Variants in MZT2A observed in about 807,000 individuals in gnomAD.
MZT2A encodes the protein mitotic spindle organizing protein 2A.
Under a neutral mutation model 12.4 loss-of-function variants are expected in MZT2A, and 8 were observed. The observed-to-expected ratio is 0.64, with a 90% CI of 0.38 to 1.16. MZT2A has a LOEUF of 1.16. Ranked by LOEUF, MZT2A falls within the 50% of genes most tolerant of loss-of-function variation. MZT2A has a pLI of 0.01. For synonymous variants in MZT2A, 88 were observed against 107.5 expected (o/e 0.82, Z 1.12); for missense variants, 181 against 223.6 (o/e 0.81, Z 1.22).
At chr2:131,493,289 G>C, upstream of MZT2A, 1 of 1,326,560 alleles carries the variant, frequency 7.5e-7, no homozygotes, top group South Asian at 2.1e-5. Context: ...GGGAGTGGAG[G>C]GCCCCGGCTG....
At chr2:131,491,142 A>C in intron 2 of MZT2A, 1 of 586,794 alleles carries the variant, frequency 1.7e-6, no homozygotes, top group Non-Finnish European at 3.0e-6. Context: ...TTTCAGAGAG[A>C]GCCATCGGGA....
chr2:131,479,357 G>C (rs774902043), downstream of MZT2A: 1 of 1,614,158 alleles, frequency 6.2e-7, no homozygotes, highest in South Asian at 1.1e-5. Context: ...CGGAGCAGCT[G>C]ATCACCGGGA....
chr2:131,488,689 T>C (rs1480868579), intron 2 of MZT2A, among the ~76,000 whole-genome samples: 1 of 152,122 alleles, frequency 6.6e-6, no homozygotes, highest in East Asian at 1.9e-4. Flanking sequence ...GGCCTCTGCC[T>C]CTCACTCAGC....
chr2:131,474,606 C>T (rs1678592563), intron 2 of MZT2A, among the ~76,000 whole-genome samples: 1 of 150,770 alleles, frequency 6.6e-6, no homozygotes, highest in Non-Finnish European at 1.5e-5. Context: ...GGAAGGGTTT[C>T]ATCATGTTGG....
rs187876897 is a variant in MZT2A, at chr2:131,492,187, C to T, written c.170+20G>A. On this transcript the variant is annotated intron_variant, in intron 1 of 2. Coordinates refer to ENST00000309451, the MANE Select transcript of MZT2A (RefSeq NM_001085365.2). ...TCGGGGGTGTCTGGCGAGCATGCGGCCCCCACCCGCCCCGCTCACTTGAAC... is the reference window on the plus strand; with the variant it reads ...TCGGGGGTGTCTGGCGAGCATGCGGTCCCCACCCGCCCCGCTCACTTGAAC... 4,314 of 1,545,754 alleles carry T rather than the reference C, an allele frequency of 2.8e-3. 6 individuals are homozygous for T. Among genetic ancestry groups the T allele is most frequent in the Non-Finnish European group, 3.1e-3 (3,619 of 1,149,078 alleles).
At chr2:131,479,921 T>G, downstream of MZT2A, 1 of 1,267,070 alleles carries the variant, frequency 7.9e-7, no homozygotes, top group African/African-American at 1.5e-5. Flanking sequence ...TCTTTGCTTT[T>G]CTTTGCTTCA....
rs376116396 is a variant in MZT2A, at chr2:131,484,145, G to A, written c.393C>T (p.Ser131=). ...LAERSNHEGS[S]QRMPRQPSAT... ...CGCTGGGCTGGCGTGGCATCCTCTG[G>A]CTGGATCCCTCGTGGTTGCTGCGTT... Residue 131 remains serine (S), a synonymous_variant, in exon 3 of 3, where the codon AGC becomes AGT. Coordinates refer to ENST00000309451, the MANE Select transcript of MZT2A (RefSeq NM_001085365.2). The A allele has an allele frequency of 6.2e-7, 1 of 1,614,086 alleles. No individual in the cohort carries two copies. The highest frequency in any genetic ancestry group is 1.1e-5 in the South Asian group (1 of 91,082).
chr2:131,473,706 C>G (rs1463069045), intron 2 of MZT2A, among the ~76,000 whole-genome samples: 1 of 142,688 alleles, frequency 7.0e-6, no homozygotes, highest in South Asian at 2.1e-4. Flanking sequence ...TTGAGTCCAG[C>G]CTGGTCAACA....
intron 2 of MZT2A, among the ~76,000 whole-genome samples, chr2:131,473,577 A>G (rs1429622740): frequency 1.3e-5 from 2 of 149,958 alleles, no homozygotes; most frequent in African/African-American, 5.1e-5. Context: ...TTTTCCCAGA[A>G]CTGAATACAC....
Position 131,492,007 on chromosome 2 carries a change from A to G in MZT2A, c.188T>C (p.Leu63Pro), listed in dbSNP as rs766263265. The G allele has an allele frequency of 1.9e-6, 3 of 1,543,218 alleles. No individual in the cohort carries two copies. The highest frequency in any genetic ancestry group is 8.7e-7 in the Non-Finnish European group (1 of 1,145,410). The stretch of plus-strand genomic sequence containing the variant: ...GGCGAGGGGGGCCACGTTCAGCTTC[A>G]GCAGGTCCACCAGGATCCTGGCGGG... ...PDVFKILVDL[L>P]KLNVAPLAVF... is the part of the protein sequence containing the mutation. The change falls in exon 2 of 3, where the codon CTG (leucine) becomes CCG (proline). Residue 63 changes from leucine (L) to proline (P), a missense_variant. Around this residue, in one of 3 missense-constraint regions of MZT2A, gnomAD observed 106 missense variants for 127.2 expected, o/e 0.83. Coordinates refer to ENST00000309451, the MANE Select transcript of MZT2A (RefSeq NM_001085365.2).
chr2:131,491,031 C>T, intron 2 of MZT2A: 6 of 1,303,152 alleles, frequency 4.6e-6, no homozygotes, highest in Non-Finnish European at 6.5e-6. Context: ...AGGCAGCCTG[C>T]TTTCCACGCC....
chr2:131,493,133 T>C (rs1458162638), upstream of MZT2A: 8 of 1,473,214 alleles, frequency 5.4e-6, no homozygotes, highest in Admixed American at 1.5e-4. Flanking sequence ...ACGCTATGGG[T>C]CCCACAGGTG....
chr2:131,492,949 C>G, upstream of MZT2A: 1 of 1,525,764 alleles, frequency 6.6e-7, no homozygotes, highest in Non-Finnish European at 8.8e-7. Flanking sequence ...GCCATTTCCC[C>G]TCCCTGGCCG....
intron 2 of MZT2A, chr2:131,490,226 G>T: frequency 1.2e-6 from 1 of 821,750 alleles, no homozygotes; most frequent in Non-Finnish European, 1.5e-6. Flanking sequence ...CGGGCAAGGG[G>T]GCTGAGTGCT....
In MZT2A at chr2:131,491,121, G is replaced by A. The variant is rs576613505; in HGVS notation, c.319+755C>T. On this transcript the variant is annotated intron_variant, in intron 2 of 2. Coordinates refer to ENST00000309451, the MANE Select transcript of MZT2A (RefSeq NM_001085365.2). ...GGGCCTCCTTCCATTGGCCTGGGAG[G>A]TTGTGCTGCATTTCAGAGAGAGCCA... 11 of 655,586 alleles carry A rather than the reference G, an allele frequency of 1.7e-5. No individual in the cohort carries two copies. The South Asian group carries it at 1.8e-4, about 11-fold the overall frequency. The allele number at this position is 655,586 out of a possible 1,614,324, so 40.6% of individuals were successfully genotyped here.
downstream of MZT2A, chr2:131,479,299 CTT>C (rs1196755401): frequency 2.5e-6 from 4 of 1,613,584 alleles, no homozygotes; most frequent in Non-Finnish European, 2.5e-6. Flanking sequence ...CACACTGTCT[CTT>C]TTGCAGATGA....
rs537547115 is a variant in MZT2A at position 131,491,135 on chromosome 2, CAG to C, written c.319+739_319+740del. The stretch of plus-strand genomic sequence containing the variant: ...TGGCCTGGGAGGTTGTGCTGCATTT[CAG>C]AGAGAGCCATCGGGAGCAGAAGCAA... On this transcript the variant is annotated intron_variant, in intron 2 of 2. Coordinates refer to ENST00000309451, the MANE Select transcript of MZT2A (RefSeq NM_001085365.2). 8.2e-6 allele frequency: 5 copies of C among 611,532 alleles called. No individual in the cohort carries two copies. In the East Asian group the frequency reaches 1.5e-4, roughly 18 times the overall value. 37.9% of individuals were successfully genotyped at this position (611,532 alleles called of 1,614,324 possible).
At chr2:131,474,102 CTTT>C (rs996015413) in intron 2 of MZT2A, among the ~76,000 whole-genome samples, 1 of 135,254 alleles carries the variant, frequency 7.4e-6, no homozygotes, top group Non-Finnish European at 1.5e-5. Context: ...CAATAAATAG[CTTT>C]TTTTTTTTTT....
chr2:131,489,806 C>G (rs1416693645), intron 2 of MZT2A: 10 of 915,552 alleles, frequency 1.1e-5, no homozygotes, highest in Non-Finnish European at 1.3e-5. Flanking sequence ...AGCCAGCACA[C>G]TGGTCTCACT....
Sources: allele counts gnomAD v4.1 joint callset (sites outside exome capture counted in the v4.1 genomes callset), GRCh38; gene constraint gnomAD v4.1.1; regional missense constraint gnomAD v4.1.1; transcripts MANE v1.5; gene names NCBI Gene and HGNC (gene_info 2026-07-23, HGNC 2026-07-21).